CACNA2D1: variants seen among roughly 807,000 people sequenced by gnomAD.
CACNA2D1 encodes the protein calcium voltage-gated channel auxiliary subunit alpha2delta 1.
A neutral mutation model predicts 171.5 loss-of-function variants in CACNA2D1; 53 were observed. The ratio of observed to expected loss-of-function variants is 0.31; its 90% CI spans 0.25 to 0.39. CACNA2D1 has a LOEUF of 0.39. CACNA2D1 is among the 10% of genes least tolerant of loss of function. The pLI is 1.00. For synonymous variants in CACNA2D1, 442 were observed against 443.1 expected, an observed-to-expected ratio of 1.00 and a Z score of 0.03; for missense variants, 903 against 1,299.8, an observed-to-expected ratio of 0.69 and a Z score of 4.69.
In CACNA2D1 at chr7:82,094,395, A is replaced by G. The variant is rs186535730; in HGVS notation, c.527-9495T>C. 1.8e-3 allele frequency among the ~76,000 whole-genome samples: 267 copies of G among 152,306 alleles called. 1 individual carries two copies. The Middle Eastern group carries it at 0.044, about 25-fold the overall frequency. On this transcript the variant is annotated intron_variant, in intron 6 of 38. Coordinates refer to ENST00000356860, the MANE Select transcript of CACNA2D1 (RefSeq NM_000722.4). ...TTGCACATGTATAGAGATTGTCCAC[A>G]TATACATGTATGCATACATACATGC...
intron 2 of CACNA2D1, among the ~76,000 whole-genome samples, chr7:82,345,653 T>G (rs1010591591): frequency 1.1e-4 from 17 of 151,066 alleles, no homozygotes; most frequent in Non-Finnish European, 2.1e-4. Context: ...TGATCAGCCT[T>G]GCCATTTGCC....
chr7:81,962,398 T>G, intron 35 of CACNA2D1, 42 bp downstream of exon 35: 2 of 1,473,074 alleles, frequency 1.4e-6, no homozygotes, highest in Non-Finnish European at 1.9e-6. Flanking sequence ...AAAAGAAAAT[T>G]TTTATTGTTA....
chr7:82,015,330 T>C (rs1033794587), intron 12 of CACNA2D1, among the ~76,000 whole-genome samples: 27 of 152,312 alleles, frequency 1.8e-4, no homozygotes, highest in African/African-American at 3.6e-4. Context: ...TATTACTTAT[T>C]TTCTATAAAA....
chr7:82,093,459 C>A (rs1231382439), intron 6 of CACNA2D1, among the ~76,000 whole-genome samples: 1 of 152,014 alleles, frequency 6.6e-6, no homozygotes, highest in Non-Finnish European at 1.5e-5. Flanking sequence ...CTAGTATTTT[C>A]TTTTTCCTCA....
At chr7:82,077,245 AG>A (rs1162825103) in intron 7 of CACNA2D1, among the ~76,000 whole-genome samples, 1 of 152,168 alleles carries the variant, frequency 6.6e-6, no homozygotes, top group African/African-American at 2.4e-5. Flanking sequence ...TTTCTTACTT[AG>A]TACAGCCCCC....
At chr7:82,204,945 G>A (rs974121575) in intron 3 of CACNA2D1, among the ~76,000 whole-genome samples, 13 of 152,204 alleles carry the variant, frequency 8.5e-5, no homozygotes, top group Admixed American at 2.0e-4. Context: ...ACCATGCCAC[G>A]TGAGGTGCAT....
intron 3 of CACNA2D1, among the ~76,000 whole-genome samples, chr7:82,188,162 C>T (rs1797956169): frequency 6.6e-6 from 1 of 152,096 alleles, no homozygotes; most frequent in African/African-American, 2.4e-5. Flanking sequence ...TTTCTAGTAT[C>T]ATTGCCTTGG....
intron 21 of CACNA2D1, among the ~76,000 whole-genome samples, chr7:81,990,548 GA>G (rs201780203): frequency 1.2e-4 from 17 of 143,728 alleles, no homozygotes; most frequent in African/African-American, 3.1e-4. Context: ...TTTCAGAAAG[GA>G]AAAAAAAAAC....
chr7:82,429,557 T>G (rs3757626), intron 1 of CACNA2D1, among the ~76,000 whole-genome samples: 53,434 of 152,006 alleles, frequency 0.35, 11,240 homozygotes, highest in South Asian at 0.58. Context: ...ATGGCTCCTC[T>G]GTCACAGTCA....
In CACNA2D1 at chr7:82,184,169, C is replaced by CTTTT. The variant is rs72155870; in HGVS notation, c.295-13564_295-13561dup. On this transcript the variant is annotated intron_variant, in intron 3 of 38. Coordinates refer to ENST00000356860, the MANE Select transcript of CACNA2D1 (RefSeq NM_000722.4). ...GTTGCTGTGGAAACATCGGTTTCCT[C>CTTTT]TTTTTTTTTTTTTTTTTTGTTAATA... Among the ~76,000 whole-genome samples the CTTTT allele has an allele frequency of 4.3e-4, 55 of 127,388 alleles. 1 individual carries two copies. Among genetic ancestry groups the CTTTT allele is most frequent in the South Asian group, 1.7e-3 (7 of 4,102 alleles). 83.6% of individuals were successfully genotyped at this position (127,388 alleles called of 152,430 possible).
intron 3 of CACNA2D1, among the ~76,000 whole-genome samples, chr7:82,250,374 CTA>C (rs1805485041): frequency 6.6e-6 from 1 of 152,082 alleles, no homozygotes. Flanking sequence ...AAGCATAATC[CTA>C]TAAAAATAAA....
chr7:81,967,032 T>C, intron 31 of CACNA2D1, 137 bp downstream of exon 31: 1 of 641,402 alleles, frequency 1.6e-6, no homozygotes, highest in Non-Finnish European at 2.8e-6. Context: ...TTCAAATGAA[T>C]ATATTATTTC....
intron 2 of CACNA2D1, among the ~76,000 whole-genome samples, chr7:82,338,694 T>C (rs1818277886): frequency 6.6e-6 from 1 of 152,144 alleles, no homozygotes. Context: ...AGCAAACCAA[T>C]GTCTAGAGCA....
intron 18 of CACNA2D1, among the ~76,000 whole-genome samples, chr7:81,999,236 T>C (rs1313612098): frequency 6.6e-6 from 1 of 152,100 alleles, no homozygotes; most frequent in African/African-American, 2.4e-5. Context: ...AATGCATAAG[T>C]TGTACTTTTA....
intron 10 of CACNA2D1, among the ~76,000 whole-genome samples, chr7:82,039,067 T>C (rs1803645820): frequency 6.6e-6 from 1 of 152,208 alleles, no homozygotes; most frequent in South Asian, 2.1e-4. Flanking sequence ...CTCTGTAATT[T>C]GTGAAAGTTA....
intron 6 of CACNA2D1, among the ~76,000 whole-genome samples, chr7:82,095,307 C>T (rs1314906775): frequency 6.6e-6 from 1 of 152,140 alleles, no homozygotes; most frequent in Non-Finnish European, 1.5e-5. Context: ...AGTATCAACT[C>T]CCTCCCCACT....
rs371711612 is a variant in CACNA2D1 at position 82,106,808 on chromosome 7, CCTTT to C, written c.526+10232_526+10235del. ...GTGGAAAAATATATGATATGATATTCCTTTCTGACTTATGTGCACACACTAGACA... is the reference window on the plus strand; with the variant it reads ...GTGGAAAAATATATGATATGATATTCCTGACTTATGTGCACACACTAGACA... On this transcript the variant is annotated intron_variant, in intron 6 of 38. Coordinates refer to ENST00000356860, the MANE Select transcript of CACNA2D1 (RefSeq NM_000722.4). 2.9e-3 allele frequency among the ~76,000 whole-genome samples: 448 copies of C among 152,122 alleles called. 1 individual carries two copies. The highest frequency in any genetic ancestry group is 0.01 in the African/African-American group (433 of 41,510).
At chr7:82,350,219 T>G (rs1322902250) in intron 1 of CACNA2D1, among the ~76,000 whole-genome samples, 1 of 152,216 alleles carries the variant, frequency 6.6e-6, no homozygotes, top group Admixed American at 6.5e-5. Context: ...TGTAAACATT[T>G]TATTTTTAAT....
rs935116076 is a variant in CACNA2D1, at chr7:82,054,088, C to A, written c.879+6340G>T. Reference sequence around the variant, plus strand: ...TATTTTTTTTAGGAAAATCAATGGCCTTTAAAACTGGCAGGCTTTAAGAAT... The same window carrying A: ...TATTTTTTTTAGGAAAATCAATGGCATTTAAAACTGGCAGGCTTTAAGAAT... On this transcript the variant is annotated intron_variant, in intron 10 of 38. Coordinates refer to ENST00000356860, the MANE Select transcript of CACNA2D1 (RefSeq NM_000722.4). Among the ~76,000 whole-genome samples, 3 of 152,258 alleles carry A rather than the reference C, an allele frequency of 2.0e-5. No individual in the cohort carries two copies. The East Asian group carries it at 5.8e-4, about 29-fold the overall frequency.
Sources: gnomAD v4.1 joint callset for allele counts (sites outside exome capture counted in the v4.1 genomes callset) on GRCh38, gnomAD v4.1.1 for gene constraint, MANE v1.5 for transcripts, NCBI Gene and HGNC (gene_info 2026-07-23, HGNC 2026-07-21) for gene names.